The following PCCB variants were observed in gnomAD, a reference collection of about 807,000 sequenced individuals.
PCCB encodes the protein propionyl-CoA carboxylase beta chain, mitochondrial.
A neutral mutation model predicts 60.7 loss-of-function variants in PCCB; 43 were observed. The ratio of observed to expected loss-of-function variants is 0.71; its 90% confidence interval spans 0.55 to 0.91. PCCB has a LOEUF of 0.91. Ranked by LOEUF, PCCB falls within the 40% of genes least tolerant of loss-of-function variation. The pLI is 0.00. For missense variants in PCCB, 766 were observed against 702.8 expected, an observed-to-expected ratio of 1.09 and a Z score of -1.02; for synonymous variants, 276 against 255.9, an observed-to-expected ratio of 1.08 and a Z score of -0.75.
chr3:136,308,544 G>A (rs562732394), intron 9 of PCCB, among the ~76,000 whole-genome samples: 1 of 152,260 alleles, frequency 6.6e-6, no homozygotes, highest in South Asian at 2.1e-4. Flanking sequence ...CAGGTCAAAT[G>A]GACAAAAGTA....
At chr3:136,270,492 GTTGTTTTTTGACAT>G (rs1327139635) in intron 5 of PCCB, among the ~76,000 whole-genome samples, 2 of 151,320 alleles carry the variant, frequency 1.3e-5, no homozygotes, top group Non-Finnish European at 3.0e-5. Context: ...GGCCACATCT[GTTGTTTTTTGACAT>G]TTTTTTTTTT....
intron 9 of PCCB, among the ~76,000 whole-genome samples, 175 bp from the exon 10 acceptor site, chr3:136,316,766 A>G (rs1934911707): frequency 6.6e-6 from 1 of 152,082 alleles, no homozygotes; most frequent in South Asian, 2.1e-4. Flanking sequence ...TCTCCCCAGC[A>G]GGGAGGAGGT....
rs922903929 is a variant in PCCB, at chr3:136,279,754, G to A, written c.544-4083G>A. On this transcript the variant is annotated intron_variant, in intron 5 of 14. Transcript: ENST00000251654. Reference sequence around the variant, plus strand: ...GTGATCTCGACTCACTGCAAGCTCCGCCTCCCAGGTTCACGCCATTCTCCT... The same window carrying A: ...GTGATCTCGACTCACTGCAAGCTCCACCTCCCAGGTTCACGCCATTCTCCT... Among the ~76,000 whole-genome samples, 4 of 151,972 alleles carry A rather than the reference G, an allele frequency of 2.6e-5. No homozygotes were observed. The South Asian group carries it at 6.2e-4, about 24-fold the overall frequency.
intron 1 of PCCB, among the ~76,000 whole-genome samples, chr3:136,255,125 C>G (rs1341172295): frequency 3.9e-5 from 6 of 152,084 alleles, no homozygotes; most frequent in Non-Finnish European, 8.8e-5. Flanking sequence ...CCACCCGCCT[C>G]TGCCTCTCAA....
Position 136,268,096 on chromosome 3 carries a change from A to ATATATATATATG in PCCB, c.543+6042_543+6043insGTATATATATAT, listed in dbSNP as rs1553775749. Among the ~76,000 whole-genome samples, 183 of 106,492 alleles carry ATATATATATATG rather than the reference A, an allele frequency of 1.7e-3. 1 individual carries two copies. The highest frequency in any genetic ancestry group is 2.6e-3 in the Non-Finnish European group (148 of 56,338). 69.9% of individuals were successfully genotyped at this position (106,492 alleles called of 152,430 possible). ...TGTGTGTGTGTGTGTAGATATATATATATATATATATATATATATATATAT... is the reference window on the plus strand; with the variant it reads ...TGTGTGTGTGTGTGTAGATATATATATATATATATATGTATATATATATATATATATATATAT... On this transcript the variant is annotated intron_variant, in intron 5 of 14. Transcript: ENST00000251654.
intron 10 of PCCB, among the ~76,000 whole-genome samples, chr3:136,322,924 G>A (rs1935158325): frequency 6.6e-6 from 1 of 150,558 alleles, no homozygotes; most frequent in South Asian, 2.1e-4. Flanking sequence ...ATGTTATCCT[G>A]CTGTCTCTGG....
At chr3:136,297,374 T>G (rs1345054154) in intron 7 of PCCB, among the ~76,000 whole-genome samples, 1 of 152,152 alleles carries the variant, frequency 6.6e-6, no homozygotes, top group African/African-American at 2.4e-5. Context: ...TGGCTCCGCT[T>G]TCTCCATCAT....
At position 136,298,042 on chromosome 3, in the gene PCCB, C is replaced by T. The variant is rs929742969; in HGVS notation, c.854C>T (p.Pro285Leu). Residue 285 changes from proline (P) to leucine (L), a missense_variant, in exon 8 of 15, where the codon CCG becomes CTG. Physicochemically the swap from Pro to Leu is moderately conservative, Grantham distance 98. Transcript: ENST00000251654. The stretch of plus-strand genomic sequence containing the variant: ...TACCTGCCCCTGAGCAGTCAGGACC[C>T]GGCTCCCGTCCGTGAGTGCCACGAT... ...FNYLPLSSQDPAPVRECHDPS... is the reference protein window; with the variant it reads ...FNYLPLSSQDLAPVRECHDPS... 7.4e-6 allele frequency: 12 copies of T among 1,614,002 alleles called. No individual in the cohort carries two copies. The highest frequency in any genetic ancestry group is 3.3e-4 in the Middle Eastern group (2 of 6,082).
intron 9 of PCCB, among the ~76,000 whole-genome samples, chr3:136,305,900 G>A (rs1934440426): frequency 8.3e-6 from 1 of 120,894 alleles, no homozygotes; most frequent in Non-Finnish European, 1.8e-5. Context: ...GAAAGAGAGA[G>A]GTACCTTTGG....
At chr3:136,319,734 A>AT (rs1463227923) in intron 10 of PCCB, among the ~76,000 whole-genome samples, 2 of 151,846 alleles carry the variant, frequency 1.3e-5, no homozygotes, top group Non-Finnish European at 2.9e-5. Flanking sequence ...TGATTTCTGT[A>AT]TTTTTTCTTC....
intron 14 of PCCB, 140 bp downstream of exon 14, chr3:136,328,997 G>A (rs772588483): frequency 2.5e-5 from 18 of 732,604 alleles, no homozygotes; most frequent in Non-Finnish European, 3.7e-5. Flanking sequence ...CTGTCCCTGG[G>A]CAGTCATCAC....
At chr3:136,295,673 T>C (rs1006155143) in intron 7 of PCCB, among the ~76,000 whole-genome samples, 15 of 152,258 alleles carry the variant, frequency 9.9e-5, no homozygotes, top group Admixed American at 9.2e-4. Context: ...GTACAAAACT[T>C]AGAAAACATA....
At chr3:136,320,291 T>C (rs1348460821) in intron 10 of PCCB, among the ~76,000 whole-genome samples, 1 of 152,230 alleles carries the variant, frequency 6.6e-6, no homozygotes, top group Non-Finnish European at 1.5e-5. Flanking sequence ...CTGAGTAGTA[T>C]TGACACCTTG....
intron 5 of PCCB, among the ~76,000 whole-genome samples, chr3:136,275,716 C>T (rs1942317303): frequency 6.6e-6 from 1 of 151,914 alleles, no homozygotes; most frequent in East Asian, 1.9e-4. Flanking sequence ...AGTTCCTTGG[C>T]TATAGAGAGT....
intron 9 of PCCB, among the ~76,000 whole-genome samples, chr3:136,302,505 T>C (rs1310891976): frequency 1.6e-5 from 2 of 121,428 alleles, no homozygotes; most frequent in African/African-American, 5.0e-5. Flanking sequence ...TAAATACTCT[T>C]GTTTGTAATT....
At chr3:136,327,787 A>C in intron 13 of PCCB, 55 bp downstream of exon 13, 1 of 1,367,290 alleles carries the variant, frequency 7.3e-7, no homozygotes. Context: ...TCTACCAGCG[A>C]GAGCTCAAGG....
intron 5 of PCCB, among the ~76,000 whole-genome samples, chr3:136,267,854 G>T (rs1942046911): frequency 6.6e-6 from 1 of 150,868 alleles, no homozygotes; most frequent in Admixed American, 6.6e-5. Flanking sequence ...TCTTTTGTGG[G>T]TCATGCTTCT....
At chr3:136,255,598 C>T (rs1006192164) in intron 1 of PCCB, 3 of 508,010 alleles carry the variant, frequency 5.9e-6, no homozygotes, top group Non-Finnish European at 1.1e-5. Context: ...CCACTTCTCT[C>T]TACCTTTTCC....
chr3:136,301,126 T>C lies in PCCB; in HGVS notation c.966+15T>C, dbSNP rs373905632. ...TCATACACTCTGTAAGTGCCACATC[T>C]GTTTGTCTTGCCTGTCCTAGTCAGC... is the stretch of plus-strand genomic sequence containing the variant. On this transcript the variant is annotated intron_variant, in intron 9 of 14. Coordinates refer to ENST00000251654, the MANE Select transcript of PCCB (RefSeq NM_000532.5). 1.9e-6 allele frequency: 3 copies of C among 1,600,876 alleles called. No individual in the cohort carries two copies. The highest frequency in any genetic ancestry group is 2.6e-6 in the Non-Finnish European group (3 of 1,167,840).
Sources: gnomAD v4.1 joint callset for allele counts (sites outside exome capture counted in the v4.1 genomes callset) on GRCh38, gnomAD v4.1.1 for gene constraint, MANE v1.5 for transcripts, NCBI Gene and HGNC (gene_info 2026-07-23, HGNC 2026-07-21) for gene names.